CSNK2A2IP: variants seen among roughly 807,000 people sequenced by gnomAD.
CSNK2A2IP encodes casein kinase 2 subunit alpha' interacting protein.
At chr3:88,381,656 AC>A in the CSNK2A2IP span, among the ~76,000 whole-genome samples, 1 of 152,214 alleles carries the variant, frequency 6.6e-6, no homozygotes. Flanking sequence ...CACTGTGTCT[AC>A]CTTGGCAGAT....
At chr3:88,433,553 G>A in the CSNK2A2IP span, among the ~76,000 whole-genome samples, 1 of 152,048 alleles carries the variant, frequency 6.6e-6, no homozygotes, top group East Asian at 1.9e-4. Flanking sequence ...AATTTAAATA[G>A]CACAACTTTA....
At chr3:88,348,143 G>T in the CSNK2A2IP span, among the ~76,000 whole-genome samples, 4 of 151,938 alleles carry the variant, frequency 2.6e-5, no homozygotes, top group African/African-American at 9.6e-5. Flanking sequence ...ATTTGACTTC[G>T]TTTTACAAAT....
chr3:88,384,455 C>T, the CSNK2A2IP span, among the ~76,000 whole-genome samples: 1 of 151,838 alleles, frequency 6.6e-6, no homozygotes, highest in East Asian at 1.9e-4. Context: ...AAGTAAAAGG[C>T]TCTGAGGCTG....
the CSNK2A2IP span, among the ~76,000 whole-genome samples, chr3:88,411,371 A>G: frequency 7.8e-6 from 1 of 128,722 alleles, no homozygotes; most frequent in African/African-American, 3.1e-5. Context: ...CTATCTATCT[A>G]TCTATCTGTC....
chr3:88,430,322 T>C, the CSNK2A2IP span, among the ~76,000 whole-genome samples: 1 of 152,178 alleles, frequency 6.6e-6, no homozygotes, highest in African/African-American at 2.4e-5. Context: ...CTCAAATCTA[T>C]ACATACATAT....
the CSNK2A2IP span, among the ~76,000 whole-genome samples, chr3:88,424,932 A>C: frequency 6.6e-6 from 1 of 152,124 alleles, no homozygotes; most frequent in Non-Finnish European, 1.5e-5. Flanking sequence ...AATGAATCTA[A>C]AGAGGTTGAC....
chr3:88,427,976 C>T, the CSNK2A2IP span, among the ~76,000 whole-genome samples: 33 of 152,178 alleles, frequency 2.2e-4, no homozygotes, highest in Non-Finnish European at 3.8e-4. Flanking sequence ...TTGCACCATG[C>T]GCCTGGAAAA....
the CSNK2A2IP span, among the ~76,000 whole-genome samples, chr3:88,398,186 T>C: frequency 6.6e-6 from 1 of 152,146 alleles, no homozygotes; most frequent in Non-Finnish European, 1.5e-5. Context: ...TTCTTAAACT[T>C]GAGCTGCTAT....
chr3:88,339,159 C>G, the CSNK2A2IP span, among the ~76,000 whole-genome samples: 1 of 151,990 alleles, frequency 6.6e-6, no homozygotes, highest in Non-Finnish European at 1.5e-5. Context: ...CTTATTTCTT[C>G]TATTGACTGT....
chr3:88,432,780 G>A, the CSNK2A2IP span, among the ~76,000 whole-genome samples: 1 of 150,206 alleles, frequency 6.7e-6, no homozygotes, highest in Non-Finnish European at 1.5e-5. Flanking sequence ...TTATATTAAT[G>A]ATATTAAAAT....
At chr3:88,389,855 T>C in the CSNK2A2IP span, among the ~76,000 whole-genome samples, 12 of 151,490 alleles carry the variant, frequency 7.9e-5, no homozygotes, top group Non-Finnish European at 1.8e-4. Flanking sequence ...TGGGGAGGCA[T>C]TTTTTTTCTC....
the CSNK2A2IP span, among the ~76,000 whole-genome samples, chr3:88,355,468 T>C: frequency 1.3e-5 from 2 of 152,116 alleles, no homozygotes; most frequent in African/African-American, 4.8e-5. Flanking sequence ...CAAAGGGACA[T>C]GTCCTACTGA....
At chr3:88,378,728 T>C in the CSNK2A2IP span, among the ~76,000 whole-genome samples, 8 of 152,048 alleles carry the variant, frequency 5.3e-5, no homozygotes, top group African/African-American at 1.9e-4. Context: ...TCTTTGTTAC[T>C]GTTTATAATA....
chr3:88,363,316 G>A, the CSNK2A2IP span, among the ~76,000 whole-genome samples: 1 of 151,644 alleles, frequency 6.6e-6, no homozygotes, highest in African/African-American at 2.4e-5. Context: ...CTTTTCTTCT[G>A]CAATGTCTAA....
the CSNK2A2IP span, among the ~76,000 whole-genome samples, chr3:88,398,841 A>T: frequency 2.2e-4 from 33 of 152,280 alleles, no homozygotes; most frequent in East Asian, 5.6e-3. Context: ...GGGAATATTT[A>T]TGTCTTGCTC....
chr3:88,367,780 G>C, the CSNK2A2IP span, among the ~76,000 whole-genome samples: 1 of 152,108 alleles, frequency 6.6e-6, no homozygotes, highest in African/African-American at 2.4e-5. Context: ...TTGGGCATAT[G>C]AACCATTGCT....
chr3:88,453,071 T>C, the CSNK2A2IP span, among the ~76,000 whole-genome samples: 439 of 152,248 alleles, frequency 2.9e-3, 2 homozygotes, highest in African/African-American at 9.9e-3. Flanking sequence ...CGGGTACTTA[T>C]GTCAAGCACT....
chr3:88,399,509 C>G, the CSNK2A2IP span: 100 of 152,258 alleles, frequency 6.6e-4, no homozygotes, highest in African/African-American at 2.1e-3. Flanking sequence ...TTTCATTCAT[C>G]CTTACATTTA....
the CSNK2A2IP span, among the ~76,000 whole-genome samples, chr3:88,380,387 T>C: frequency 6.6e-6 from 1 of 151,768 alleles, no homozygotes. Context: ...TATTAGTGGC[T>C]CACAAAAAGG....
Sources: allele counts gnomAD v4.1 joint callset (sites outside exome capture counted in the v4.1 genomes callset), GRCh38; gene constraint gnomAD v4.1.1; transcripts MANE v1.5; gene names NCBI Gene and HGNC (gene_info 2026-07-23, HGNC 2026-07-21).